The following NPIPB2 variants were observed in gnomAD, a reference collection of about 807,000 sequenced individuals.
The protein encoded by NPIPB2 is nuclear pore complex-interacting protein family member B2.
In NPIPB2, 27 loss-of-function variants were observed where a neutral mutation model predicts 30.8. That is an observed-to-expected ratio of 0.88 (90% CI 0.65 to 1.21). The LOEUF (loss-of-function observed/expected upper bound fraction) is 1.21, where lower values mean the gene tolerates loss of function less well. NPIPB2 is among the 50% of genes most tolerant of loss of function. The pLI is 0.00. For synonymous variants in NPIPB2, 147 were observed against 162.0 expected (o/e 0.91, Z 0.70); for missense variants, 440 against 446.2 (o/e 0.99, Z 0.13).
chr16:11,950,401 C>A (rs569597168), intron 1 of NPIPB2, among the ~76,000 whole-genome samples: 1 of 152,120 alleles, frequency 6.6e-6, no homozygotes, highest in Non-Finnish European at 1.5e-5. Context: ...AACTCATGGG[C>A]TCAAGCAATC....
rs1408786114 is a variant in NPIPB2, at chr16:11,941,699, G to T, written c.63+284C>A. On this transcript the variant is annotated intron_variant, in intron 1 of 7. Coordinates refer to ENST00000399147, the Ensembl canonical transcript of NPIPB2. ...TACTCCCTCTCCACCAATCCCTGAT[G>T]ACCCCGGTGGTGCCTCACAATGGAC... is the stretch of plus-strand genomic sequence containing the variant. 1.6e-5 allele frequency: 11 copies of T among 697,020 alleles called. No individual in the cohort carries two copies. The East Asian group carries it at 3.0e-4, about 19-fold the overall frequency. 43.2% of individuals were successfully genotyped at this position (697,020 alleles called of 1,614,324 possible). A position where few individuals can be genotyped will look rare whatever the true frequency, so the allele number is the denominator to read the frequency against.
chr16:11,970,959 C>A (rs2055232044), intron 1 of NPIPB2, among the ~76,000 whole-genome samples: 1 of 151,442 alleles, frequency 6.6e-6, no homozygotes, highest in Non-Finnish European at 1.5e-5. Context: ...GCTCAGGTGA[C>A]CCTCCCACCT....
Position 11,937,537 on chromosome 16 carries a change from C to T in NPIPB2, c.192+3G>A. On this transcript the variant is annotated splice_donor_region_variant and intron_variant, in intron 2 of 7. Coordinates refer to ENST00000399147, the Ensembl canonical transcript of NPIPB2. ...TACCTCTACAGAAAGTTAGTACACTCACCCAAAGGTAAACTGTCCAGAGGG... is the reference window on the plus strand; with the variant it reads ...TACCTCTACAGAAAGTTAGTACACTTACCCAAAGGTAAACTGTCCAGAGGG... 1.3e-6 allele frequency: 2 copies of T among 1,567,858 alleles called. No individual in the cohort carries two copies. Among genetic ancestry groups the T allele is most frequent in the East Asian group, 4.5e-5 (2 of 44,618 alleles).
rs1003694139 is a variant in NPIPB2, at chr16:11,965,165, A to G, written c.-584+11403T>C. ...GTATTCAAATCCTTAGCTGCCGCGAAGACACAGACAGCCCCCGTAAGAACC... is the reference window on the plus strand; with the variant it reads ...GTATTCAAATCCTTAGCTGCCGCGAGGACACAGACAGCCCCCGTAAGAACC... On this transcript the variant is annotated intron_variant, in intron 1 of 5. Coordinates refer to the NPIPB2 transcript ENST00000538896. The G allele has an allele frequency of 1.9e-5, 16 of 825,682 alleles. No homozygotes were observed. The African/African-American group carries it at 2.2e-4, about 11-fold the overall frequency. 51.1% of individuals were successfully genotyped at this position (825,682 alleles called of 1,614,324 possible).
At chr16:11,943,574 C>A (rs188974936), upstream of NPIPB2, among the ~76,000 whole-genome samples, 9 of 151,232 alleles carry the variant, frequency 6.0e-5, no homozygotes, top group Admixed American at 5.3e-4. Flanking sequence ...TGGTGGCACA[C>A]GCCTGTAATC....
At chr16:11,952,856 G>A (rs983597527) in intron 1 of NPIPB2, among the ~76,000 whole-genome samples, 2 of 152,006 alleles carry the variant, frequency 1.3e-5, no homozygotes, top group Non-Finnish European at 2.9e-5. Flanking sequence ...GTCAGCCACC[G>A]TGCCTGGCCC....
rs141024501 is a variant in NPIPB2 at position 11,950,233 on chromosome 16, G to A, written c.-583-8119C>T. 3.9e-5 allele frequency among the ~76,000 whole-genome samples: 6 copies of A among 152,088 alleles called. 1 individual carries two copies. Among genetic ancestry groups the A allele is most frequent in the Non-Finnish European group, 8.8e-5 (6 of 67,994 alleles). On this transcript the variant is annotated intron_variant, in intron 1 of 5. Coordinates refer to the NPIPB2 transcript ENST00000538896. ...TTTTTAGTAGTAGTGATGGGGTTTC[G>A]TCCTGTTGGCTGGGCTTGTCTTGAA...
intron 4 of NPIPB2, among the ~76,000 whole-genome samples, chr16:11,932,518 C>A (rs1282938829): frequency 6.6e-6 from 1 of 151,754 alleles, no homozygotes. Context: ...TGGCTCATGC[C>A]TGTAATCTCA....
intron 1 of NPIPB2, chr16:11,968,829 C>T (rs1343425047): frequency 6.6e-6 from 1 of 151,964 alleles, no homozygotes; most frequent in Non-Finnish European, 1.5e-5. Flanking sequence ...CTGAAAAAAA[C>T]AGCATTCTGT....
intron 1 of NPIPB2, among the ~76,000 whole-genome samples, chr16:11,951,664 A>ACC (rs201245969): frequency 7.8e-5 from 10 of 127,514 alleles, no homozygotes; most frequent in South Asian, 7.0e-4. Context: ...ACACACACAC[A>ACC]CACCCAGCCC....
At chr16:11,946,868 C>G (rs1427792730), upstream of NPIPB2, among the ~76,000 whole-genome samples, 3 of 151,482 alleles carry the variant, frequency 2.0e-5, no homozygotes, top group Non-Finnish European at 4.4e-5. Flanking sequence ...TACAGGCGCC[C>G]GCCACCACAC....
chr16:11,949,181 G>C (rs967535995), intron 1 of NPIPB2, among the ~76,000 whole-genome samples: 5 of 152,082 alleles, frequency 3.3e-5, no homozygotes, highest in Non-Finnish European at 7.3e-5. Context: ...AGAGAGAAAG[G>C]CTTTGGTAAG....
chr16:11,945,567 A>C (rs138716869), upstream of NPIPB2, among the ~76,000 whole-genome samples: 889 of 151,994 alleles, frequency 5.8e-3, 13 homozygotes, highest in African/African-American at 0.02. Context: ...AGTCCTAGCT[A>C]CTCAGGAGGC....
chr16:11,955,421 C>A (rs1369682597), intron 1 of NPIPB2, among the ~76,000 whole-genome samples: 1 of 149,436 alleles, frequency 6.7e-6, no homozygotes, highest in Non-Finnish European at 1.5e-5. Flanking sequence ...AAGAAATTTG[C>A]CATTCTGGCC....
chr16:11,974,610 T>C (rs2055256834), intron 1 of NPIPB2, among the ~76,000 whole-genome samples: 1 of 152,178 alleles, frequency 6.6e-6, no homozygotes. Flanking sequence ...TAGAGGAGAA[T>C]GTACTACCTA....
In NPIPB2 at chr16:11,940,202, T is replaced by C. The variant is rs1370609553; in HGVS notation, c.63+1781A>G. ...CTTATCTCTACTAAAAATACAAAAT[T>C]AGCTGGGAGTGGTGGCACATGTCTG... On this transcript the variant is annotated intron_variant, in intron 1 of 7. Transcript: ENST00000399147. 1.8e-5 allele frequency among the ~76,000 whole-genome samples: 2 copies of C among 108,310 alleles called. 1 individual carries two copies. Among genetic ancestry groups the C allele is most frequent in the Non-Finnish European group, 4.6e-5 (2 of 43,712 alleles). The allele number at this position is 108,310 out of a possible 152,430, so 71.1% of individuals were successfully genotyped here. A position where few individuals can be genotyped will look rare whatever the true frequency, so the allele number is the denominator to read the frequency against.
chr16:11,972,862 CAAAA>C (rs200717499), intron 1 of NPIPB2, among the ~76,000 whole-genome samples: 2 of 100,356 alleles, frequency 2.0e-5, no homozygotes, highest in Non-Finnish European at 4.1e-5. Context: ...GATTCGGACT[CAAAA>C]AAAAAAAAAA....
At chr16:11,961,778 T>TAA (rs760800876) in intron 1 of NPIPB2, among the ~76,000 whole-genome samples, 2 of 125,558 alleles carry the variant, frequency 1.6e-5, no homozygotes. Flanking sequence ...AGACCCTGTT[T>TAA]AAAAAAAAAA....
intron 2 of NPIPB2, among the ~76,000 whole-genome samples, chr16:11,934,699 A>G (rs1274819577): frequency 6.6e-6 from 1 of 151,240 alleles, no homozygotes; most frequent in African/African-American, 2.4e-5. Context: ...TCTCTACTAA[A>G]AATACAAAAA....
Sources: allele counts gnomAD v4.1 joint callset (sites outside exome capture counted in the v4.1 genomes callset), GRCh38; gene constraint gnomAD v4.1.1; transcripts MANE v1.5; gene names NCBI Gene and HGNC (gene_info 2026-07-23, HGNC 2026-07-21).